HDAC9: variants seen among roughly 807,000 people sequenced by gnomAD.
HDAC9 encodes histone deacetylase 9.
In HDAC9, 41 loss-of-function variants were observed where a neutral mutation model predicts 139.4. The observed-to-expected ratio is 0.29, with a 90% CI of 0.23 to 0.38. The LOEUF (loss-of-function observed/expected upper bound fraction) is 0.38, where lower values mean the gene tolerates loss of function less well. Among genes scored for constraint, HDAC9 ranks in the 10% least tolerant of loss-of-function variants. The pLI is 1.00. For missense variants in HDAC9, 1,147 were observed against 1,297.0 expected (o/e 0.88, Z 1.78); for synonymous variants, 517 against 476.2 (o/e 1.09, Z -1.12).
intron 1 of HDAC9, among the ~76,000 whole-genome samples, chr7:18,385,394 T>G (rs78907958): frequency 0.032 from 4,821 of 152,262 alleles, 153 homozygotes; most frequent in East Asian, 0.16. Flanking sequence ...AAAGTTGCCT[T>G]AGTATGCTAG....
At chr7:18,861,517 G>A (rs1289017844) in intron 21 of HDAC9, among the ~76,000 whole-genome samples, 6 of 152,052 alleles carry the variant, frequency 3.9e-5, no homozygotes, top group South Asian at 2.1e-4. Context: ...ATTCAGAGGC[G>A]TTCCAAATAT....
chr7:18,781,504 A>G (rs948086212), intron 16 of HDAC9, among the ~76,000 whole-genome samples: 3 of 152,074 alleles, frequency 2.0e-5, no homozygotes, highest in Non-Finnish European at 2.9e-5. Flanking sequence ...AGGTGCCCCA[A>G]TCTTACCCAC....
intron 22 of HDAC9, among the ~76,000 whole-genome samples, chr7:18,928,643 G>A (rs189482467): frequency 1.3e-5 from 2 of 151,904 alleles, no homozygotes; most frequent in Non-Finnish European, 2.9e-5. Context: ...ATATTGTAGA[G>A]AACATGAAAA....
chr7:18,316,603 C>A (rs922740383), intron 1 of HDAC9, among the ~76,000 whole-genome samples: 2 of 133,090 alleles, frequency 1.5e-5, no homozygotes, highest in African/African-American at 5.7e-5. Flanking sequence ...CTGAGACCAG[C>A]CTGGGCAACA....
chr7:18,602,046 C>CTT, intron 6 of HDAC9, among the ~76,000 whole-genome samples: 1 of 152,202 alleles, frequency 6.6e-6, no homozygotes, highest in East Asian at 1.9e-4. Context: ...ACCATTTACA[C>CTT]TTTAAGTATT....
chr7:18,487,807 G>C (rs1252351899), intron 1 of HDAC9, among the ~76,000 whole-genome samples: 1 of 152,006 alleles, frequency 6.6e-6, no homozygotes, highest in East Asian at 1.9e-4. Flanking sequence ...ATAGATCATG[G>C]TGTGGTATGC....
At chr7:18,425,228 A>G (rs1220638432) in intron 1 of HDAC9, among the ~76,000 whole-genome samples, 2 of 152,220 alleles carry the variant, frequency 1.3e-5, no homozygotes, top group East Asian at 1.9e-4. Flanking sequence ...AAAATGCAAA[A>G]TTATCATTAA....
At chr7:18,348,711 C>G (rs974417356) in intron 1 of HDAC9, among the ~76,000 whole-genome samples, 1 of 152,292 alleles carries the variant, frequency 6.6e-6, no homozygotes, top group Middle Eastern at 3.4e-3. Context: ...AAACTTTCTC[C>G]TTCTGCCTTC....
At chr7:18,934,030 A>T (rs1377594584) in intron 22 of HDAC9, among the ~76,000 whole-genome samples, 1 of 152,168 alleles carries the variant, frequency 6.6e-6, no homozygotes, top group Admixed American at 6.5e-5. Context: ...ATATTTACAG[A>T]CAATGTCCAC....
chr7:18,441,203 C>T (rs1791722976), intron 1 of HDAC9, among the ~76,000 whole-genome samples: 1 of 152,142 alleles, frequency 6.6e-6, no homozygotes, highest in African/African-American at 2.4e-5. Context: ...TTGTTAATAG[C>T]AACTTCATAA....
chr7:18,952,672 G>A (rs1009485601), intron 23 of HDAC9, among the ~76,000 whole-genome samples: 5 of 151,928 alleles, frequency 3.3e-5, no homozygotes, highest in Admixed American at 2.6e-4. Flanking sequence ...TTATGATTCA[G>A]TAGTTCCTCT....
intron 2 of HDAC9, among the ~76,000 whole-genome samples, chr7:18,248,149 C>T (rs1794679830): frequency 6.6e-6 from 1 of 151,978 alleles, no homozygotes; most frequent in African/African-American, 2.4e-5. Context: ...CTAATAAAGT[C>T]GTGTCTGGGA....
chr7:18,804,257 G>A (rs1304287594), intron 17 of HDAC9, among the ~76,000 whole-genome samples: 2 of 152,094 alleles, frequency 1.3e-5, no homozygotes, highest in East Asian at 3.9e-4. Flanking sequence ...CTCAGGGTGG[G>A]GCAAATAAGC....
intron 1 of HDAC9, among the ~76,000 whole-genome samples, chr7:18,156,910 A>G (rs1675290785): frequency 6.6e-6 from 1 of 152,148 alleles, no homozygotes; most frequent in Non-Finnish European, 1.5e-5. Flanking sequence ...CGATAGGGAT[A>G]AATTGTTTCT....
intron 6 of HDAC9, among the ~76,000 whole-genome samples, chr7:18,602,450 C>CT (rs1341396121): frequency 6.8e-6 from 1 of 146,986 alleles, no homozygotes; most frequent in Non-Finnish European, 1.5e-5. Flanking sequence ...TTATAATTGT[C>CT]TTGAATTTCC....
rs61111046 is a variant in HDAC9 at position 18,383,653 on chromosome 7, G to T, written c.-42+93138G>T. 6.2e-3 allele frequency among the ~76,000 whole-genome samples: 946 copies of T among 151,850 alleles called. 8 individuals carry two copies. Among genetic ancestry groups the T allele is most frequent in the African/African-American group, 0.02 (843 of 41,418 alleles). On this transcript the variant is annotated intron_variant, in intron 1 of 3. Coordinates refer to the HDAC9 transcript ENST00000413509. ...AGATATGCATCTAACATTAAAGAAAGCTTTTTTAGCATGAAAGAAAAGGAA... is the reference window on the plus strand; with the variant it reads ...AGATATGCATCTAACATTAAAGAAATCTTTTTTAGCATGAAAGAAAAGGAA...
intron 2 of HDAC9, among the ~76,000 whole-genome samples, chr7:18,262,802 A>G (rs1320229516): frequency 6.6e-6 from 1 of 152,158 alleles, no homozygotes; most frequent in East Asian, 1.9e-4. Flanking sequence ...TTCTACCTAC[A>G]TTGTTATAAA....
intron 1 of HDAC9, among the ~76,000 whole-genome samples, chr7:18,092,975 C>T (rs554651292): frequency 2.6e-5 from 4 of 152,224 alleles, no homozygotes; most frequent in South Asian, 4.1e-4. Flanking sequence ...AGGGAACCAG[C>T]GCTGTGACTT....
At chr7:18,380,126 A>G (rs921683167) in intron 1 of HDAC9, among the ~76,000 whole-genome samples, 1 of 152,250 alleles carries the variant, frequency 6.6e-6, no homozygotes, top group Non-Finnish European at 1.5e-5. Flanking sequence ...TTTAAAAGGC[A>G]GAGGCTCTCT....
Sources: gnomAD v4.1 joint callset for allele counts (sites outside exome capture counted in the v4.1 genomes callset) on GRCh38, gnomAD v4.1.1 for gene constraint, MANE v1.5 for transcripts, NCBI Gene and HGNC (gene_info 2026-07-23, HGNC 2026-07-21) for gene names.